The following CENPE variants were observed in gnomAD, a reference collection of about 807,000 sequenced individuals.
CENPE encodes centromere-associated protein E.
A neutral mutation model predicts 336.1 loss-of-function variants in CENPE; 145 were observed. The ratio of observed to expected loss-of-function variants is 0.43; its 90% confidence interval spans 0.38 to 0.50. The LOEUF (loss-of-function observed/expected upper bound fraction) is 0.50, where lower values mean the gene tolerates loss of function less well. CENPE is among the 20% of genes least tolerant of loss of function. The pLI, the probability that CENPE is intolerant of heterozygous loss-of-function variation, is 0.00. For synonymous variants in CENPE, 1,013 were observed against 984.8 expected (o/e 1.03, Z -0.54); for missense variants, 2,719 against 3,023.3 (o/e 0.90, Z 2.36).
At chr4:103,142,013 A>T (rs967881874) in intron 34 of CENPE, 105 bp from the exon 35 acceptor site, 25 of 710,586 alleles carry the variant, frequency 3.5e-5, no homozygotes, top group Non-Finnish European at 5.4e-5. Context: ...CTGTTACTCT[A>T]TATCTTTGCT....
chr4:103,146,226 A>G, intron 29 of CENPE, 119 bp from the exon 30 acceptor site: 1 of 852,016 alleles, frequency 1.2e-6, no homozygotes, highest in Non-Finnish European at 1.8e-6. Context: ...TTTACAGAGC[A>G]ATCTCTCCAT....
chr4:103,152,193 A>T (rs1421494769), intron 25 of CENPE, among the ~76,000 whole-genome samples: 2 of 152,196 alleles, frequency 1.3e-5, no homozygotes, highest in Non-Finnish European at 2.9e-5. Flanking sequence ...AGACCTATAC[A>T]CTGAAAATCT....
At chr4:103,150,224 G>A (rs529093362) in intron 26 of CENPE, among the ~76,000 whole-genome samples, 17 of 152,018 alleles carry the variant, frequency 1.1e-4, no homozygotes, top group South Asian at 2.1e-4. Flanking sequence ...ATAGACATAA[G>A]GTTTTAGTAA....
intron 9 of CENPE, among the ~76,000 whole-genome samples, chr4:103,185,549 T>C (rs1052422332): frequency 4.6e-5 from 7 of 152,110 alleles, no homozygotes; most frequent in African/African-American, 9.7e-5. Flanking sequence ...GGAATTCTCA[T>C]GGGCTTTCCT....
At chr4:103,144,148 G>C (rs1752804659) in intron 33 of CENPE, among the ~76,000 whole-genome samples, 183 bp downstream of exon 33, 1 of 152,132 alleles carries the variant, frequency 6.6e-6, no homozygotes, top group Non-Finnish European at 1.5e-5. Flanking sequence ...ATGTTAGCCA[G>C]GATGGTCTTG....
intron 13 of CENPE, 52 bp downstream of exon 13, chr4:103,180,259 A>G: frequency 2.0e-6 from 3 of 1,485,644 alleles, no homozygotes; most frequent in Non-Finnish European, 9.2e-7. Context: ...ATATAGAAAT[A>G]CCAATTCTAT....
chr4:103,178,931 T>C (rs994067289), intron 13 of CENPE, among the ~76,000 whole-genome samples: 2 of 152,196 alleles, frequency 1.3e-5, no homozygotes, highest in African/African-American at 4.8e-5. Flanking sequence ...AATGCCCAAA[T>C]TGATATTTAT....
At chr4:103,144,834 A>G (rs898253009) in intron 32 of CENPE, among the ~76,000 whole-genome samples, 7 of 152,178 alleles carry the variant, frequency 4.6e-5, no homozygotes, top group Non-Finnish European at 7.3e-5. Flanking sequence ...CCTAAATCCC[A>G]ATGAATATTT....
At chr4:103,176,653 A>G (rs1578663887) in intron 14 of CENPE, among the ~76,000 whole-genome samples, 1 of 152,182 alleles carries the variant, frequency 6.6e-6, no homozygotes, top group African/African-American at 2.4e-5. Flanking sequence ...TCCGCCTCCC[A>G]GGTTCAAGCG....
chr4:103,149,710 G>A (rs1245302289), intron 26 of CENPE, among the ~76,000 whole-genome samples: 1 of 152,142 alleles, frequency 6.6e-6, no homozygotes, highest in East Asian at 1.9e-4. Context: ...GTATTTATAA[G>A]AGACATAAAA....
Position 103,158,389 on chromosome 4 carries a change from T to C in CENPE, c.2944A>G (p.Thr982Ala). ...SLKQHQETINTLKSKISEEVS... is the reference protein window; with the variant it reads ...SLKQHQETINALKSKISEEVS... ...TCCTCAGAAATTTTCGATTTTAGTG[T>C]ATTAATTGTTTCTTGATGTTGTTTC... The change falls in exon 24 of 49, where the codon ACA becomes GCA. Residue 982 changes from threonine to alanine, a missense_variant. Around this residue, in one of 5 missense-constraint regions of CENPE, gnomAD observed 2,437 missense variants for 2,513.3 expected, o/e 0.97. Transcript: ENST00000265148. 1 of 1,608,936 alleles carries C rather than the reference T, an allele frequency of 6.2e-7. No homozygotes were observed. Among genetic ancestry groups the C allele is most frequent in the East Asian group, 2.2e-5 (1 of 44,696 alleles).
chr4:103,163,151 A>G lies in CENPE; in HGVS notation c.1828T>C (p.Leu610=), dbSNP rs747280815. ...CTGATTTTTACCAATGAGTATGACA[A>G]GTCCATTTTTATATTTTCTAGCTTT... ...SQKLENIKMD[L]SYSLESIEDP... The change falls in exon 18 of 49, where the codon TTG becomes CTG. Residue 610 remains leucine (L), a synonymous_variant. Transcript: ENST00000265148. 2 of 1,608,278 alleles carry G rather than the reference A, an allele frequency of 1.2e-6. No homozygotes were observed. The highest frequency in any genetic ancestry group is 2.2e-5 in the South Asian group (2 of 90,442).
intron 46 of CENPE, among the ~76,000 whole-genome samples, chr4:103,112,782 GTATATATA>G (rs1253914808): frequency 9.3e-5 from 7 of 74,896 alleles, no homozygotes; most frequent in Non-Finnish European, 9.4e-5. Flanking sequence ...GTATATAAGT[GTATATATA>G]TACTTATAAG....
chr4:103,181,497 A>C (rs1756322662), intron 11 of CENPE, 41 bp from the exon 12 acceptor site: 5 of 1,504,046 alleles, frequency 3.3e-6, no homozygotes, highest in African/African-American at 1.5e-5. Context: ...TCAACACTTA[A>C]AAAAATTCGA....
Position 103,140,400 on chromosome 4 carries a change from T to C in CENPE, c.5769A>G (p.Gln1923=). 2 of 1,591,242 alleles carry C rather than the reference T, an allele frequency of 1.3e-6. No individual in the cohort carries two copies. The highest frequency in any genetic ancestry group is 8.5e-7 in the Non-Finnish European group (1 of 1,171,184). Residue 1923 remains glutamine (Q), a synonymous_variant, in exon 37 of 49, where the codon CAA becomes CAG. Transcript: ENST00000265148. ...GCATACGAGCAGTTTTTAGTTCCTG[T>C]TGTATTTCCAGATCCTTTATGGTTA... The part of the protein sequence containing the change: ...QETKARDLEI[Q]QELKTARMLS...
rs1015546978 is a variant in CENPE at position 103,132,770 on chromosome 4, C to G, written c.6847G>C (p.Glu2283Gln). The G allele has an allele frequency of 1.1e-5, 18 of 1,581,896 alleles. No individual in the cohort carries two copies. Among genetic ancestry groups the G allele is most frequent in the Non-Finnish European group, 1.5e-5 (17 of 1,156,362 alleles). ...EEWLNTRFDI[E>Q]KLKNGIQKEN... is the part of the protein sequence containing the mutation. ...TTCTGGATGCCATTTTTAAGCTTTT[C>G]TATATCAAAACGAGTATTTAACCAC... The change falls in exon 42 of 49, where the codon GAA (glutamate) becomes CAA (glutamine). Residue 2283 changes from glutamate to glutamine, a missense_variant. Coordinates refer to ENST00000265148, the MANE Select transcript of CENPE (RefSeq NM_001813.3).
In CENPE at chr4:103,161,474, A is replaced by G. The variant is rs200792340; in HGVS notation, c.1843-17T>C. On this transcript the variant is annotated splice_polypyrimidine_tract_variant and intron_variant, in intron 18 of 48. Coordinates refer to ENST00000265148, the MANE Select transcript of CENPE (RefSeq NM_001813.3). ...AATGCTTTCCTAGACAGATGACAAAAGGGGTTCACTGAAATCTAATTTTCA... is the reference window on the plus strand; with the variant it reads ...AATGCTTTCCTAGACAGATGACAAAGGGGGTTCACTGAAATCTAATTTTCA... 8.5e-4 allele frequency: 1,312 copies of G among 1,549,592 alleles called. 1 individual carries two copies. Among genetic ancestry groups the G allele is most frequent in the Non-Finnish European group, 1.1e-3 (1,265 of 1,154,884 alleles).
chr4:103,164,515 T>C (rs1417764163), intron 16 of CENPE, among the ~76,000 whole-genome samples: 2 of 151,964 alleles, frequency 1.3e-5, no homozygotes, highest in Non-Finnish European at 2.9e-5. Flanking sequence ...AGAAACATAA[T>C]GTCAGACACA....
intron 7 of CENPE, 31 bp downstream of exon 7, chr4:103,194,342 GA>G: frequency 6.2e-7 from 1 of 1,607,692 alleles, no homozygotes. Context: ...TTCTTACTTG[GA>G]AAGATCTAAC....
Sources: gnomAD v4.1 joint callset for allele counts (sites outside exome capture counted in the v4.1 genomes callset) on GRCh38, gnomAD v4.1.1 for gene constraint, gnomAD v4.1.1 regional missense constraint, MANE v1.5 for transcripts, NCBI Gene and HGNC (gene_info 2026-07-23, HGNC 2026-07-21) for gene names.